The following UBE2L3 variants were observed in gnomAD, a reference collection of about 807,000 sequenced individuals.
UBE2L3 encodes ubiquitin-conjugating enzyme E2 L3.
In UBE2L3, 1 loss-of-function variant was observed where a neutral mutation model predicts 17.8. The observed-to-expected ratio is 0.06, with a 90% CI of 0.02 to 0.27. The LOEUF (loss-of-function observed/expected upper bound fraction) is 0.27. Among genes scored for constraint, UBE2L3 ranks in the 10% least tolerant of loss-of-function variants. The pLI is 1.00. For missense variants in UBE2L3, 40 were observed against 192.6 expected, an observed-to-expected ratio of 0.21 and a Z score of 4.69; for synonymous variants, 44 against 68.5, an observed-to-expected ratio of 0.64 and a Z score of 1.76.
chr22:21,600,445 C>T (rs1928794869), intron 2 of UBE2L3, among the ~76,000 whole-genome samples: 1 of 152,188 alleles, frequency 6.6e-6, no homozygotes, highest in Non-Finnish European at 1.5e-5. Context: ...CCTGTAATCC[C>T]AGCACTTTGG....
intron 1 of UBE2L3, among the ~76,000 whole-genome samples, chr22:21,572,975 C>G (rs990136703): frequency 6.6e-6 from 1 of 152,170 alleles, no homozygotes; most frequent in Admixed American, 6.6e-5. Flanking sequence ...TGCCTGTCTT[C>G]TCTCCATCCC....
upstream of UBE2L3, among the ~76,000 whole-genome samples, chr22:21,565,067 C>A (rs1430429507): frequency 3.3e-5 from 5 of 151,854 alleles, no homozygotes; most frequent in Non-Finnish European, 1.5e-5. Flanking sequence ...GAGTGTGAGG[C>A]CAGCCTTATT....
chr22:21,595,778 G>A (rs147637824), intron 2 of UBE2L3, among the ~76,000 whole-genome samples: 1 of 152,252 alleles, frequency 6.6e-6, no homozygotes, highest in East Asian at 1.9e-4. Context: ...AGGAACTAGA[G>A]GTGTGGTAGT....
chr22:21,586,014 C>T (rs1040549396), intron 1 of UBE2L3, among the ~76,000 whole-genome samples: 1 of 152,114 alleles, frequency 6.6e-6, no homozygotes, highest in Admixed American at 6.6e-5. Flanking sequence ...TGGCTCACTG[C>T]AGCCTCAACC....
At chr22:21,561,147 T>C (rs1254346206) in intron 1 of UBE2L3, among the ~76,000 whole-genome samples, 1 of 152,288 alleles carries the variant, frequency 6.6e-6, no homozygotes, top group African/African-American at 2.4e-5. Context: ...CTTGAGCCTC[T>C]GACCAGCCAG....
At chr22:21,578,607 G>A (rs1014828785) in intron 1 of UBE2L3, among the ~76,000 whole-genome samples, 17 of 152,120 alleles carry the variant, frequency 1.1e-4, no homozygotes, top group African/African-American at 3.9e-4. Context: ...GCACACCCAT[G>A]TACAGATGGA....
upstream of UBE2L3, among the ~76,000 whole-genome samples, chr22:21,566,059 G>C (rs1926620254): frequency 6.8e-6 from 1 of 147,962 alleles, no homozygotes; most frequent in Admixed American, 7.0e-5. Flanking sequence ...TGCAACCTCT[G>C]CCTCCCAGGT....
At chr22:21,585,386 G>T (rs5754217) in intron 1 of UBE2L3, among the ~76,000 whole-genome samples, 47,035 of 151,998 alleles carry the variant, frequency 0.31, 8,412 homozygotes, top group East Asian at 0.51. Context: ...CTTGGGGTGT[G>T]GTTTTGCTAT....
intron 3 of UBE2L3, among the ~76,000 whole-genome samples, chr22:21,617,611 ACTT>A (rs1254739191): frequency 6.6e-6 from 1 of 152,036 alleles, no homozygotes; most frequent in Non-Finnish European, 1.5e-5. Context: ...AAAAAAAAGT[ACTT>A]CTGAGGAGCA....
chr22:21,592,722 C>T (rs966411764), intron 1 of UBE2L3, 139 bp from the exon 2 acceptor site: 6 of 701,432 alleles, frequency 8.6e-6, no homozygotes, highest in Admixed American at 2.2e-5. Flanking sequence ...TTAACCACTC[C>T]AAGCACAGTT....
chr22:21,555,393 C>T (rs1297073587), intron 1 of UBE2L3: 13 of 153,044 alleles, frequency 8.5e-5, no homozygotes, highest in East Asian at 3.8e-4. Flanking sequence ...GGGGCCAAGG[C>T]GGGCAGGTCA....
At chr22:21,617,763 T>A (rs1929850627) in intron 3 of UBE2L3, among the ~76,000 whole-genome samples, 1 of 152,246 alleles carries the variant, frequency 6.6e-6, no homozygotes, top group Non-Finnish European at 1.5e-5. Flanking sequence ...TCAGGTGTTC[T>A]TACTAGCAAA....
At chr22:21,609,763 C>G (rs545070318) in intron 2 of UBE2L3, among the ~76,000 whole-genome samples, 5 of 152,156 alleles carry the variant, frequency 3.3e-5, no homozygotes, top group Middle Eastern at 3.4e-3. Flanking sequence ...CAGTGGCTCA[C>G]GCTTATAAAC....
chr22:21,619,547 T>C (rs1222299582), intron 3 of UBE2L3, among the ~76,000 whole-genome samples: 1 of 152,174 alleles, frequency 6.6e-6, no homozygotes, highest in African/African-American at 2.4e-5. Flanking sequence ...TCTTTCCCAT[T>C]CTCACCAGGC....
chr22:21,610,488 C>T (rs919296696), intron 2 of UBE2L3, among the ~76,000 whole-genome samples: 4 of 152,232 alleles, frequency 2.6e-5, no homozygotes, highest in African/African-American at 4.8e-5. Flanking sequence ...ACAAATTTGC[C>T]CCTCTGGTGA....
chr22:21,559,271 C>T (rs1486267318), intron 1 of UBE2L3, among the ~76,000 whole-genome samples: 6 of 151,996 alleles, frequency 3.9e-5, no homozygotes. Flanking sequence ...TTGCTTTAAC[C>T]TAGGAAGTGG....
intron 2 of UBE2L3, among the ~76,000 whole-genome samples, chr22:21,596,133 G>A (rs1284484573): frequency 6.6e-6 from 1 of 152,214 alleles, no homozygotes; most frequent in South Asian, 2.1e-4. Context: ...CAAAGTGCTG[G>A]GATTACAAGC....
chr22:21,602,409 C>T (rs980568136), intron 2 of UBE2L3, among the ~76,000 whole-genome samples: 1 of 152,204 alleles, frequency 6.6e-6, no homozygotes, highest in Non-Finnish European at 1.5e-5. Flanking sequence ...ACCTTGACTT[C>T]CTCTGTGGCT....
At chr22:21,586,872 G>A (rs1218722357) in intron 1 of UBE2L3, among the ~76,000 whole-genome samples, 1 of 140,510 alleles carries the variant, frequency 7.1e-6, no homozygotes, top group African/African-American at 2.6e-5. Context: ...CACTGTGCCC[G>A]GCCTTTTTTT....
Sources: gnomAD v4.1 joint callset for allele counts (sites outside exome capture counted in the v4.1 genomes callset) on GRCh38, gnomAD v4.1.1 for gene constraint, MANE v1.5 for transcripts, NCBI Gene and HGNC (gene_info 2026-07-23, HGNC 2026-07-21) for gene names.